Variants in NOPCHAP1 observed in about 807,000 individuals in gnomAD.
The protein encoded by NOPCHAP1 is NOP protein chaperone 1.
Under a neutral mutation model 14.0 loss-of-function variants are expected in NOPCHAP1, and 13 were observed. That is an observed-to-expected ratio of 0.93 (90% CI 0.60 to 1.47). The LOEUF is 1.47. NOPCHAP1 is among the 40% of genes most tolerant of loss of function. The pLI is 0.00. For missense variants in NOPCHAP1, 230 were observed against 226.9 expected, an observed-to-expected ratio of 1.01 and a Z score of -0.09; for synonymous variants, 78 against 78.4, an observed-to-expected ratio of 1.00 and a Z score of 0.03.
rs1347485296 is a variant in NOPCHAP1 at position 105,016,320 on chromosome 12, C to T, written c.*21624C>T. ...TCACCTGTCAAATTGGCAGATGCAA[C>T]AGTAGCTGGTACTTACTGAGCCCTT... On this transcript the variant is annotated 3_prime_UTR_variant, in exon 4 of 4. Transcript: ENST00000552951. 6.6e-6 allele frequency: 1 copy of T among 152,226 alleles called. No individual in the cohort carries two copies. The highest frequency in any genetic ancestry group is 6.5e-5 in the Admixed American group (1 of 15,288). 9.4% of individuals were successfully genotyped at this position (152,226 alleles called of 1,614,324 possible). A position where few individuals can be genotyped will look rare whatever the true frequency, so the allele number is the denominator to read the frequency against.
chr12:104,988,136 A>G, intron 1 of NOPCHAP1, 31 bp from the exon 2 acceptor site: 1 of 1,523,618 alleles, frequency 6.6e-7, no homozygotes, highest in Non-Finnish European at 9.1e-7. Flanking sequence ...GCTGTAGTAA[A>G]TTAAGGGTGT....
In NOPCHAP1 at chr12:105,003,580, C is replaced by G. The variant is rs1022332327; in HGVS notation, c.*8884C>G. The stretch of plus-strand genomic sequence containing the variant: ...TTACAATAGACCCAGCAAATACATT[C>G]ATTTGGTCACTAGGGTGCTCCTGGG... On this transcript the variant is annotated 3_prime_UTR_variant, in exon 4 of 4. Transcript: ENST00000552951. 2 of 152,242 alleles carry G rather than the reference C, an allele frequency of 1.3e-5. No individual in the cohort carries two copies. Among genetic ancestry groups the G allele is most frequent in the African/African-American group, 4.8e-5 (2 of 41,454 alleles). 9.4% of individuals were successfully genotyped at this position (152,242 alleles called of 1,614,324 possible).
At position 105,017,445 on chromosome 12, in the gene NOPCHAP1, G is replaced by A. The variant is rs890955762; in HGVS notation, c.*22749G>A. 2.1e-5 allele frequency: 3 copies of A among 143,574 alleles called. No homozygotes were observed. The highest frequency in any genetic ancestry group is 7.8e-5 in the African/African-American group (3 of 38,692). The allele number at this position is 143,574 out of a possible 1,614,324, so 8.9% of individuals were successfully genotyped here. On this transcript the variant is annotated 3_prime_UTR_variant, in exon 4 of 4. Transcript: ENST00000552951. ...ACCCAGGAGGTGGAGGTTGGAGTGA[G>A]CGAAGATCATGCCACTGCACTCCAG... is the stretch of plus-strand genomic sequence containing the variant.
rs1873621519 is a variant in NOPCHAP1, at chr12:105,002,112, C to G, written c.*7416C>G. The G allele has an allele frequency of 6.6e-6, 1 of 152,072 alleles. No individual in the cohort carries two copies. The highest frequency in any genetic ancestry group is 1.5e-5 in the Non-Finnish European group (1 of 68,018). The allele number at this position is 152,072 out of a possible 1,614,324, so 9.4% of individuals were successfully genotyped here. A position where few individuals can be genotyped will look rare whatever the true frequency, so the allele number is the denominator to read the frequency against. The stretch of plus-strand genomic sequence containing the variant: ...GAATGCAAAATCTCTTTTCCAGCAT[C>G]CTAGTTGTTTGCAATGAAGGGAGAC... On this transcript the variant is annotated 3_prime_UTR_variant, in exon 4 of 4. Transcript: ENST00000552951.
At chr12:104,987,817 GCTTCA>G (rs1210946799) in intron 1 of NOPCHAP1, among the ~76,000 whole-genome samples, 1 of 152,142 alleles carries the variant, frequency 6.6e-6, no homozygotes, top group African/African-American at 2.4e-5. Flanking sequence ...ACCATTTCTG[GCTTCA>G]CTTAACCATT....
chr12:104,994,874 T>C lies in NOPCHAP1; in HGVS notation c.*178T>C. ...GGCAAAGAATGATTAATGAGTTAGGTAGCATTGTAAACTGAAAGGGGTTCA... is the reference window on the plus strand; with the variant it reads ...GGCAAAGAATGATTAATGAGTTAGGCAGCATTGTAAACTGAAAGGGGTTCA... On this transcript the variant is annotated 3_prime_UTR_variant, in exon 4 of 4. Coordinates refer to ENST00000552951, the MANE Select transcript of NOPCHAP1 (RefSeq NM_152318.3). 1.6e-6 allele frequency: 1 copy of C among 612,328 alleles called. No homozygotes were observed. 37.9% of individuals were successfully genotyped at this position (612,328 alleles called of 1,614,324 possible).
At chr12:104,989,279 T>A (rs918936246) in intron 2 of NOPCHAP1, among the ~76,000 whole-genome samples, 2 of 152,234 alleles carry the variant, frequency 1.3e-5, no homozygotes, top group Non-Finnish European at 2.9e-5. Flanking sequence ...AGGTTTCTTA[T>A]TGTAAACATC....
At chr12:104,992,221 A>G (rs1873393419) in intron 3 of NOPCHAP1, among the ~76,000 whole-genome samples, 1 of 152,206 alleles carries the variant, frequency 6.6e-6, no homozygotes, top group Non-Finnish European at 1.5e-5. Flanking sequence ...ATGTTCTCTC[A>G]GTTTATACTC....
At position 105,008,302 on chromosome 12, in the gene NOPCHAP1, T is replaced by C. The variant is rs1873746795; in HGVS notation, c.*13606T>C. On this transcript the variant is annotated 3_prime_UTR_variant, in exon 4 of 4. Transcript: ENST00000552951. ...AATGTCTTCTTTTGAGAAGTGTCTG[T>C]TCGTATCCTTCGCCCACTTTTTGAT... The C allele has an allele frequency of 6.6e-6, 1 of 152,272 alleles. No individual in the cohort carries two copies. The allele number at this position is 152,272 out of a possible 1,614,324, so 9.4% of individuals were successfully genotyped here.
intron 3 of NOPCHAP1, among the ~76,000 whole-genome samples, chr12:104,993,975 G>C (rs905609405): frequency 4.6e-5 from 7 of 152,152 alleles, no homozygotes; most frequent in African/African-American, 1.7e-4. Context: ...TAGACACTTA[G>C]AGTAAATTTA....
chr12:104,992,096 C>T (rs1005385746), intron 3 of NOPCHAP1, among the ~76,000 whole-genome samples: 2 of 152,144 alleles, frequency 1.3e-5, no homozygotes, highest in African/African-American at 4.8e-5. Flanking sequence ...GATGTCCTAA[C>T]TGGGTTTTTT....
intron 2 of NOPCHAP1, among the ~76,000 whole-genome samples, chr12:104,990,963 G>C (rs1232690182): frequency 6.6e-6 from 1 of 152,144 alleles, no homozygotes; most frequent in Non-Finnish European, 1.5e-5. Flanking sequence ...TCTTAGTTCT[G>C]CTTTCCTGGG....
chr12:104,989,492 G>A (rs533757527), intron 2 of NOPCHAP1, among the ~76,000 whole-genome samples: 1 of 152,286 alleles, frequency 6.6e-6, no homozygotes, highest in African/African-American at 2.4e-5. Flanking sequence ...TCTGACGCCA[G>A]TGTCTACTGT....
At position 105,001,248 on chromosome 12, in the gene NOPCHAP1, C is replaced by A. The variant is rs536637733; in HGVS notation, c.*6552C>A. The stretch of plus-strand genomic sequence containing the variant: ...AACTTATTGTCATAGCATTGGCCTT[C>A]CTACATGATAAAGCTTCTATCCGTC... On this transcript the variant is annotated 3_prime_UTR_variant, in exon 4 of 4. Coordinates refer to ENST00000552951, the MANE Select transcript of NOPCHAP1 (RefSeq NM_152318.3). The A allele has an allele frequency of 2.0e-5, 3 of 152,104 alleles. No homozygotes were observed. In the South Asian group the frequency reaches 6.2e-4, roughly 32 times the overall value. The allele number at this position is 152,104 out of a possible 1,614,324, so 9.4% of individuals were successfully genotyped here. A position where few individuals can be genotyped will look rare whatever the true frequency, so the allele number is the denominator to read the frequency against.
At position 104,996,768 on chromosome 12, in the gene NOPCHAP1, TC is replaced by T. The variant is rs1247989087; in HGVS notation, c.*2073del. 3 of 152,248 alleles carry T rather than the reference TC, an allele frequency of 2.0e-5. No individual in the cohort carries two copies. Among genetic ancestry groups the T allele is most frequent in the Admixed American group, 1.3e-4 (2 of 15,284 alleles). 9.4% of individuals were successfully genotyped at this position (152,248 alleles called of 1,614,324 possible). On this transcript the variant is annotated 3_prime_UTR_variant, in exon 4 of 4. Transcript: ENST00000552951. ...GGTCTCTGAATGCTTGCTTTATGAATCTGGGTGCTTCTCTGTTGGGTGCATG... is the reference window on the plus strand; with the variant it reads ...GGTCTCTGAATGCTTGCTTTATGAATTGGGTGCTTCTCTGTTGGGTGCATG...
At position 105,007,017 on chromosome 12, in the gene NOPCHAP1, A is replaced by G. The variant is rs914147829; in HGVS notation, c.*12321A>G. Reference sequence around the variant, plus strand: ...TTGGTCAGCAGAAGCTGTTTCTTCTATTATCTTGACTTTTTTTTTTTTTTT... The same window carrying G: ...TTGGTCAGCAGAAGCTGTTTCTTCTGTTATCTTGACTTTTTTTTTTTTTTT... On this transcript the variant is annotated 3_prime_UTR_variant, in exon 4 of 4. Coordinates refer to ENST00000552951, the MANE Select transcript of NOPCHAP1 (RefSeq NM_152318.3). 10 of 144,942 alleles carry G rather than the reference A, an allele frequency of 6.9e-5. No homozygotes were observed. Among genetic ancestry groups the G allele is most frequent in the African/African-American group, 2.6e-4 (10 of 39,178 alleles). The allele number at this position is 144,942 out of a possible 1,614,324, so 9.0% of individuals were successfully genotyped here.
At position 105,002,356 on chromosome 12, in the gene NOPCHAP1, A is replaced by C. The variant is rs1873625650; in HGVS notation, c.*7660A>C. On this transcript the variant is annotated 3_prime_UTR_variant, in exon 4 of 4. Coordinates refer to ENST00000552951, the MANE Select transcript of NOPCHAP1 (RefSeq NM_152318.3). Reference sequence around the variant, plus strand: ...CCTCCCATCCTGGTTTGTGTTTTTTATTCAGGTTACTAAGTTCAGGATGAG... The same window carrying C: ...CCTCCCATCCTGGTTTGTGTTTTTTCTTCAGGTTACTAAGTTCAGGATGAG... 6.6e-6 allele frequency: 1 copy of C among 152,148 alleles called. No homozygotes were observed. The highest frequency in any genetic ancestry group is 2.4e-5 in the African/African-American group (1 of 41,430). The allele number at this position is 152,148 out of a possible 1,614,324, so 9.4% of individuals were successfully genotyped here.
intron 3 of NOPCHAP1, among the ~76,000 whole-genome samples, chr12:104,993,876 A>G (rs1331469911): frequency 6.6e-6 from 1 of 152,112 alleles, no homozygotes; most frequent in African/African-American, 2.4e-5. Flanking sequence ...TCTAGTACCT[A>G]GTGTAGTGCC....
At position 104,994,959 on chromosome 12, in the gene NOPCHAP1, T is replaced by C. The variant is rs983417090; in HGVS notation, c.*263T>C. 3 of 414,548 alleles carry C rather than the reference T, an allele frequency of 7.2e-6. No homozygotes were observed. Among genetic ancestry groups the C allele is most frequent in the African/African-American group, 6.2e-5 (3 of 48,634 alleles). The allele number at this position is 414,548 out of a possible 1,614,324, so 25.7% of individuals were successfully genotyped here. ...TTATCAGCTGAACACAGAAGTAGAG[T>C]ACAGGAATAACTTGATGGGTTACAG... On this transcript the variant is annotated 3_prime_UTR_variant, in exon 4 of 4. Transcript: ENST00000552951.
Sources: gnomAD v4.1 joint callset for allele counts (sites outside exome capture counted in the v4.1 genomes callset) on GRCh38, gnomAD v4.1.1 for gene constraint, MANE v1.5 for transcripts, NCBI Gene and HGNC (gene_info 2026-07-23, HGNC 2026-07-21) for gene names.